Variants in CXorf66 observed in about 807,000 individuals in gnomAD.
The protein encoded by CXorf66 is chromosome X open reading frame 66.
A neutral mutation model predicts 5.0 loss-of-function variants in CXorf66; 6 were observed. The ratio of observed to expected loss-of-function variants is 1.20; its 90% CI spans 0.65 to 2.36. The LOEUF (loss-of-function observed/expected upper bound fraction) is 2.36, where lower values mean the gene tolerates loss of function less well. Ranked by LOEUF, CXorf66 falls within the 30% of genes most tolerant of loss-of-function variation. The pLI, the probability that CXorf66 is intolerant of heterozygous loss-of-function variation, is 0.00. For missense variants in CXorf66, 270 were observed against 254.9 expected (o/e 1.06, Z -0.40); for synonymous variants, 98 against 102.8 (o/e 0.95, Z 0.28).
At chrX:139,956,837 T>C (rs1254924869) in intron 2 of CXorf66, 98 bp from the exon 3 acceptor site, 9 of 845,601 alleles carry the variant, frequency 1.1e-5, no homozygotes, top group Non-Finnish European at 1.5e-5. Context: ...CTGTGGTCTT[T>C]TGGGGCTTTA....
At chrX:139,959,117 C>T (rs1360977217) in intron 1 of CXorf66, among the ~76,000 whole-genome samples, 1 of 111,764 alleles carries the variant, frequency 8.9e-6, no homozygotes, top group Non-Finnish European at 1.9e-5. Flanking sequence ...CACGTGGTCT[C>T]GCTCAGCAGA....
At chrX:139,964,666 T>A (rs1274861910) in intron 1 of CXorf66, among the ~76,000 whole-genome samples, 1 of 111,639 alleles carries the variant, frequency 9.0e-6, no homozygotes, top group African/African-American at 3.3e-5. Flanking sequence ...CCAACCCAAA[T>A]GCCCATCAAT....
chrX:139,957,887 T>C (rs995814281), intron 2 of CXorf66, among the ~76,000 whole-genome samples, 177 bp downstream of exon 2: 7 of 111,562 alleles, frequency 6.3e-5, no homozygotes, highest in Non-Finnish European at 1.3e-4. Context: ...AAGTTAATAA[T>C]GTACTAGAGA....
At chrX:139,958,807 G>T (rs1208769952) in intron 1 of CXorf66, among the ~76,000 whole-genome samples, 2 of 112,277 alleles carry the variant, frequency 1.8e-5, no homozygotes, top group Middle Eastern at 4.2e-3. Context: ...GTGGGGCATT[G>T]CCTCACCTGG....
Position 139,959,857 on chromosome X carries a change from A to G in CXorf66, c.89-1640T>C, listed in dbSNP as rs1445210758. On this transcript the variant is annotated intron_variant, in intron 1 of 2. Transcript: ENST00000370540. ...CCTGATTGTTAGAAGAAAAACTAAG[A>G]AACAGAAAGCAATAATATCAACATC... is the stretch of plus-strand genomic sequence containing the variant. 6.3e-4 allele frequency among the ~76,000 whole-genome samples: 70 copies of G among 111,918 alleles called. 2 individuals are homozygous for G. In the Admixed American group the frequency reaches 6.5e-3, roughly 10 times the overall value.
chrX:139,959,148 G>C (rs746437613), intron 1 of CXorf66, among the ~76,000 whole-genome samples: 14 of 112,056 alleles, frequency 1.2e-4, no homozygotes, highest in African/African-American at 4.2e-4. Flanking sequence ...ATGGAGCCCA[G>C]CAAGCTAAGA....
chrX:139,961,677 C>T (rs1452011610), intron 1 of CXorf66, among the ~76,000 whole-genome samples: 1 of 111,874 alleles, frequency 8.9e-6, no homozygotes, highest in Non-Finnish European at 1.9e-5. Context: ...GGAAGTAAAA[C>T]ACTCCTCAGC....
At position 139,955,891 on chromosome X, in the gene CXorf66, A is replaced by G. The variant is rs2085570808; in HGVS notation, c.*5T>C. The G allele has an allele frequency of 4.3e-6, 5 of 1,165,189 alleles. No homozygotes were observed. The East Asian group carries it at 1.5e-4, about 35-fold the overall frequency. ...TCACACTTGGATTTTATTTTTGTTG[A>G]GCTCCTAATCATTTAGGGTTACTTC... On this transcript the variant is annotated 3_prime_UTR_variant, in exon 3 of 3. Transcript: ENST00000370540.
chrX:139,964,723 T>C (rs966159670), intron 1 of CXorf66, among the ~76,000 whole-genome samples: 1 of 111,728 alleles, frequency 9.0e-6, no homozygotes, highest in Non-Finnish European at 1.9e-5. Flanking sequence ...CATGGAATAC[T>C]ATGCAGCCAT....
chrX:139,959,285 G>A (rs141841505), intron 1 of CXorf66, among the ~76,000 whole-genome samples: 3 of 111,824 alleles, frequency 2.7e-5, no homozygotes, highest in Non-Finnish European at 3.8e-5. Flanking sequence ...CCCTGACAGT[G>A]CTAAGGAGGC....
At chrX:139,962,352 A>T (rs1569496421) in intron 1 of CXorf66, among the ~76,000 whole-genome samples, 1 of 111,610 alleles carries the variant, frequency 9.0e-6, no homozygotes, top group Non-Finnish European at 1.9e-5. Context: ...GGACACACAC[A>T]TTCTCCCAAG....
Position 139,956,065 on chromosome X carries a change from G to A in CXorf66, c.917C>T (p.Ser306Phe). The A allele has an allele frequency of 8.3e-7, 1 of 1,211,070 alleles. No homozygotes were observed. The highest frequency in any genetic ancestry group is 1.8e-5 in the South Asian group (1 of 56,991). ...ATCTAACTTACGAAAGGACCTGGAA[G>A]AGGACTTGACTTTGCTTGAAACATG... ...NLHVSSKVKSSSRSFRKLDSR... is the reference protein window; with the variant it reads ...NLHVSSKVKSFSRSFRKLDSR... Residue 306 changes from serine (S) to phenylalanine (F), a missense_variant, in exon 3 of 3, where the codon TCT (serine) becomes TTT (phenylalanine). Ser to Phe is a radical substitution (Grantham distance 155). Transcript: ENST00000370540.
intron 1 of CXorf66, among the ~76,000 whole-genome samples, chrX:139,959,890 AG>A (rs767851813): frequency 3.4e-4 from 38 of 112,082 alleles, no homozygotes; most frequent in Non-Finnish European, 5.6e-4. Flanking sequence ...ATCAACAAAA[AG>A]GACCCCCACA....
Position 139,956,532 on chromosome X carries a change from G to A in CXorf66, c.450C>T (p.Asn150=), listed in dbSNP as rs895532190. 1.6e-5 allele frequency: 19 copies of A among 1,211,414 alleles called. No individual in the cohort carries two copies. The highest frequency in any genetic ancestry group is 2.1e-5 in the Non-Finnish European group (19 of 895,348). The change falls in exon 3 of 3, where the codon AAC becomes AAT. Residue 150 remains asparagine, a synonymous_variant. Transcript: ENST00000370540. ...ATGGCCTAGTTAACTTTCCTGCACTGTTTGGTATGGATGGCTTTTGTAGAC... is the reference window on the plus strand; with the variant it reads ...ATGGCCTAGTTAACTTTCCTGCACTATTTGGTATGGATGGCTTTTGTAGAC... ...PSSLQKPSIP[N]SAGKLTRPSY... is the part of the protein sequence containing the mutation.
chrX:139,962,410 C>A (rs750349140), intron 1 of CXorf66, among the ~76,000 whole-genome samples: 34 of 111,263 alleles, frequency 3.1e-4, no homozygotes, highest in Non-Finnish European at 5.7e-4. Flanking sequence ...ATAACAAGTT[C>A]TGAAATTGAG....
chrX:139,956,002 C>T lies in CXorf66; in HGVS notation c.980G>A (p.Ser327Asn). Reference protein sequence around the residue: ...NNAYGDHVNDSDTMKYYSEVD... With the variant: ...NNAYGDHVNDNDTMKYYSEVD... ...CTCACTATAATATTTCATCGTATCACTGTCATTCACATGATCACCGTATGC... is the reference window on the plus strand; with the variant it reads ...CTCACTATAATATTTCATCGTATCATTGTCATTCACATGATCACCGTATGC... The change falls in exon 3 of 3, where the codon AGT becomes AAT. Residue 327 changes from serine (S) to asparagine (N), a missense_variant. By Grantham distance (46) the Ser-to-Asn change is conservative. Coordinates refer to ENST00000370540, the MANE Select transcript of CXorf66 (RefSeq NM_001013403.3). The T allele has an allele frequency of 8.3e-7, 1 of 1,210,670 alleles. No homozygotes were observed. The highest frequency in any genetic ancestry group is 1.1e-6 in the Non-Finnish European group (1 of 894,573).
chrX:139,961,931 G>A (rs1428587386), intron 1 of CXorf66, among the ~76,000 whole-genome samples: 1 of 111,750 alleles, frequency 8.9e-6, no homozygotes, highest in East Asian at 2.8e-4. Context: ...AGTGTTAAGT[G>A]GGAAATTTAT....
chrX:139,960,245 G>A (rs1228292752), intron 1 of CXorf66, among the ~76,000 whole-genome samples: 1 of 109,094 alleles, frequency 9.2e-6, no homozygotes, highest in Non-Finnish European at 1.9e-5. Flanking sequence ...ACCTGATGGA[G>A]GTGAAAAACA....
In CXorf66 at chrX:139,956,473, G is replaced by A. The variant is rs1603422519; in HGVS notation, c.509C>T (p.Ser170Leu). Residue 170 changes from serine to leucine, a missense_variant, in exon 3 of 3, where the codon TCA becomes TTA. Physicochemically the swap from Ser to Leu is moderately radical, Grantham distance 145 (BLOSUM62 -2). Coordinates refer to ENST00000370540, the MANE Select transcript of CXorf66 (RefSeq NM_001013403.3). ...YPKRSSKSSC[S>L]KKLSKSSHLE... ...GTGAGATGACTTGCTTAATTTTTTTGAGCATGATGACTTGGATGACCTTTT... is the reference window on the plus strand; with the variant it reads ...GTGAGATGACTTGCTTAATTTTTTTAAGCATGATGACTTGGATGACCTTTT... 9.9e-6 allele frequency: 12 copies of A among 1,211,397 alleles called. No homozygotes were observed. Among genetic ancestry groups the A allele is most frequent in the Non-Finnish European group, 1.3e-5 (12 of 895,292 alleles).
Sources: gnomAD v4.1 joint callset for allele counts (sites outside exome capture counted in the v4.1 genomes callset) on GRCh38, gnomAD v4.1.1 for gene constraint, MANE v1.5 for transcripts, NCBI Gene and HGNC (gene_info 2026-07-23, HGNC 2026-07-21) for gene names.